The following CCDC85C variants were observed in gnomAD, a reference collection of about 807,000 sequenced individuals.
The protein encoded by CCDC85C is coiled-coil domain-containing protein 85C.
In CCDC85C, 18 loss-of-function variants were observed where a neutral mutation model predicts 38.3. That is an observed-to-expected ratio of 0.47 (90% CI 0.33 to 0.70). The LOEUF (loss-of-function observed/expected upper bound fraction) is 0.70, where lower values mean the gene tolerates loss of function less well. CCDC85C is among the 30% of genes least tolerant of loss of function. The pLI, the probability that CCDC85C is intolerant of heterozygous loss-of-function variation, is 0.03. For synonymous variants in CCDC85C, 264 were observed against 293.8 expected (o/e 0.90, Z 1.04); for missense variants, 566 against 621.2 (o/e 0.91, Z 0.94).
intron 1 of CCDC85C, among the ~76,000 whole-genome samples, chr14:99,599,860 A>G (rs1413152239): frequency 6.6e-6 from 1 of 152,204 alleles, no homozygotes; most frequent in Non-Finnish European, 1.5e-5. Flanking sequence ...GGGTGACCAG[A>G]GAGACCCTGT....
rs1897846462 is a variant in CCDC85C at position 99,548,428 on chromosome 14, G to T, written c.794-12340C>A. Among the ~76,000 whole-genome samples, 1 of 152,082 alleles carries T rather than the reference G, an allele frequency of 6.6e-6. No homozygotes were observed. Among genetic ancestry groups the T allele is most frequent in the African/African-American group, 2.4e-5 (1 of 41,412 alleles). ...ACACGTAAGAACGGGCCACACAGGG[G>T]ATGCTGATGATCGGCGCAGCGGATC... On this transcript the variant is annotated intron_variant, in intron 1 of 5. Coordinates refer to ENST00000380243, the MANE Select transcript of CCDC85C (RefSeq NM_001144995.2). This position sits in a 1 kb window ranked among gnomAD's most constrained non-coding sequence, Gnocchi z 4.9.
chr14:99,590,572 G>A (rs1016176050), intron 1 of CCDC85C, among the ~76,000 whole-genome samples: 1 of 152,120 alleles, frequency 6.6e-6, no homozygotes, highest in Non-Finnish European at 1.5e-5. Flanking sequence ...AAGGCAGTTT[G>A]GAAAGGTCTC....
rs35376895 is a variant in CCDC85C, at chr14:99,571,345, G to GTAGTAATAATAATAATAA, written c.793+31821_793+31822insTTATTATTATTATTACTA. ...AGCCACAGCAGCAATAGTAGTAGTA[G>GTAGTAATAATAATAATAA]TAATAATAATAATAATAATAATAAT... On this transcript the variant is annotated intron_variant, in intron 1 of 5. Coordinates refer to ENST00000380243, the MANE Select transcript of CCDC85C (RefSeq NM_001144995.2). 1.9e-3 allele frequency among the ~76,000 whole-genome samples: 291 copies of GTAGTAATAATAATAATAA among 149,952 alleles called. 2 individuals carry two copies. Among genetic ancestry groups the GTAGTAATAATAATAATAA allele is most frequent in the Middle Eastern group, 0.011 (3 of 282 alleles).
Position 99,503,549 on chromosome 14 carries a change from C to A in CCDC85C, c.*11697G>T. 1 of 1,411,294 alleles carries A rather than the reference C, an allele frequency of 7.1e-7. No individual in the cohort carries two copies. Among genetic ancestry groups the A allele is most frequent in the South Asian group, 1.3e-5 (1 of 78,278 alleles). The allele number at this position is 1,411,294 out of a possible 1,614,324, so 87.4% of individuals were successfully genotyped here. ...CTGATTCTGGTGGTACCTGGATAATCCATTTTTTTCTCATCATACTCAGGA... is the reference window on the plus strand; with the variant it reads ...CTGATTCTGGTGGTACCTGGATAATACATTTTTTTCTCATCATACTCAGGA... On this transcript the variant is annotated 3_prime_UTR_variant, in exon 6 of 6. Coordinates refer to ENST00000380243, the MANE Select transcript of CCDC85C (RefSeq NM_001144995.2).
rs776784723 is a variant in CCDC85C at position 99,568,246 on chromosome 14, C to CTTTTTTTTTT, written c.794-32159_794-32158insAAAAAAAAAA. ...AGACACTCTCTGGAGGCCACCTGCCCTTTATTTTTTTTTTTTTTTTTTTTG... is the reference window on the plus strand; with the variant it reads ...AGACACTCTCTGGAGGCCACCTGCCCTTTTTTTTTTTTTATTTTTTTTTTTTTTTTTTTTG... On this transcript the variant is annotated intron_variant, in intron 1 of 5. Coordinates refer to ENST00000380243, the MANE Select transcript of CCDC85C (RefSeq NM_001144995.2). Among the ~76,000 whole-genome samples the CTTTTTTTTTT allele has an allele frequency of 8.8e-3, 1,005 of 114,234 alleles. 156 individuals carry two copies. The highest frequency in any genetic ancestry group is 0.012 in the Non-Finnish European group (724 of 58,234). The allele number at this position is 114,234 out of a possible 152,430, so 74.9% of individuals were successfully genotyped here.
intron 1 of CCDC85C, among the ~76,000 whole-genome samples, chr14:99,564,555 A>G (rs572587816): frequency 1.1e-4 from 16 of 152,096 alleles, no homozygotes; most frequent in Non-Finnish European, 1.5e-4. Flanking sequence ...TTTTTATTCT[A>G]TCTCATCTTG....
chr14:99,571,782 A>C (rs1179300828), intron 1 of CCDC85C, among the ~76,000 whole-genome samples: 5 of 152,336 alleles, frequency 3.3e-5, no homozygotes, highest in Admixed American at 2.0e-4. Context: ...TCAGGCAGGT[A>C]GGTGCCCAGT....
intron 1 of CCDC85C, among the ~76,000 whole-genome samples, chr14:99,593,116 G>A (rs573556396): frequency 6.6e-5 from 10 of 152,354 alleles, no homozygotes; most frequent in East Asian, 3.9e-4. Flanking sequence ...TTAGGGAGCC[G>A]GGCCGGTGCC....
chr14:99,522,344 G>C (rs917503692), intron 2 of CCDC85C, 104 bp from the exon 3 acceptor site: 3 of 805,242 alleles, frequency 3.7e-6, no homozygotes, highest in South Asian at 3.5e-5. Context: ...CAAAGGCACG[G>C]CCCCGGAGGA....
Position 99,510,602 on chromosome 14 carries a change from C to A in CCDC85C, c.*4644G>T. 3.1e-6 allele frequency: 3 copies of A among 966,638 alleles called. No homozygotes were observed. Among genetic ancestry groups the A allele is most frequent in the Middle Eastern group, 3.3e-4 (1 of 3,052 alleles). 59.9% of individuals were successfully genotyped at this position (966,638 alleles called of 1,614,324 possible). On this transcript the variant is annotated 3_prime_UTR_variant, in exon 6 of 6. Transcript: ENST00000380243. ...ACAACCCCAACTTCCCACCCCCACC[C>A]CCACGCCTCCCGCCTACCCACGCAG...
At chr14:99,582,489 G>T (rs1232299945) in intron 1 of CCDC85C, among the ~76,000 whole-genome samples, 1 of 151,996 alleles carries the variant, frequency 6.6e-6, no homozygotes, top group Admixed American at 6.6e-5. Context: ...AGCCGAAAAT[G>T]GATGTCTTGG....
At position 99,503,118 on chromosome 14, in the gene CCDC85C, C is replaced by A; in HGVS notation, c.*12128G>T. On this transcript the variant is annotated 3_prime_UTR_variant, in exon 6 of 6. Transcript: ENST00000380243. ...GTGTTCGCCGAAACTCGCAGTCCGA[C>A]TGCTTGTCGGTGGGGAGCCTGAAAA... The A allele has an allele frequency of 9.7e-7, 1 of 1,034,722 alleles. No individual in the cohort carries two copies. Among genetic ancestry groups the A allele is most frequent in the Non-Finnish European group, 1.5e-6 (1 of 666,466 alleles). 64.1% of individuals were successfully genotyped at this position (1,034,722 alleles called of 1,614,324 possible).
chr14:99,561,752 C>T (rs763324320), intron 1 of CCDC85C, among the ~76,000 whole-genome samples: 1 of 152,176 alleles, frequency 6.6e-6, no homozygotes, highest in Non-Finnish European at 1.5e-5. Context: ...GCCCAGCACA[C>T]ATGAAGCTGG....
At chr14:99,550,791 C>T (rs1369894842) in intron 1 of CCDC85C, among the ~76,000 whole-genome samples, 2 of 152,204 alleles carry the variant, frequency 1.3e-5, no homozygotes, top group African/African-American at 2.4e-5. Flanking sequence ...CCAGCTGAGG[C>T]CTGCACGCTG....
Position 99,501,004 on chromosome 14 carries a change from C to T in CCDC85C, c.*14242G>A. On this transcript the variant is annotated 3_prime_UTR_variant, in exon 6 of 6. Coordinates refer to ENST00000380243, the MANE Select transcript of CCDC85C (RefSeq NM_001144995.2). ...TGAAATACCAAGGGCATGGCTTGCT[C>T]AGTCAATTCAGCATTGCAGCTGCTA... 1 of 654,480 alleles carries T rather than the reference C, an allele frequency of 1.5e-6. No homozygotes were observed. The highest frequency in any genetic ancestry group is 1.8e-5 in the South Asian group (1 of 54,960). 40.5% of individuals were successfully genotyped at this position (654,480 alleles called of 1,614,324 possible). A position where few individuals can be genotyped will look rare whatever the true frequency, so the allele number is the denominator to read the frequency against.
rs948973065 is a variant in CCDC85C at position 99,509,835 on chromosome 14, G to A, written c.*5411C>T. ...CAGAAAAACAGAGGAGCCCCCACAC[G>A]TTTTGCACTAGGAAGAGGGGGCTGG... On this transcript the variant is annotated 3_prime_UTR_variant, in exon 6 of 6. Coordinates refer to ENST00000380243, the MANE Select transcript of CCDC85C (RefSeq NM_001144995.2). The A allele has an allele frequency of 9.8e-6, 4 of 409,482 alleles. No individual in the cohort carries two copies. Among genetic ancestry groups the A allele is most frequent in the South Asian group, 4.2e-5 (1 of 23,622 alleles). The allele number at this position is 409,482 out of a possible 1,614,324, so 25.4% of individuals were successfully genotyped here.
chr14:99,529,383 GTTTCT>G (rs1268630613), intron 2 of CCDC85C, among the ~76,000 whole-genome samples: 1 of 151,850 alleles, frequency 6.6e-6, no homozygotes, highest in Non-Finnish European at 1.5e-5. Flanking sequence ...TGTGTGTTTT[GTTTCT>G]TTTGTTTTTT....
At chr14:99,574,849 G>T (rs966483733) in intron 1 of CCDC85C, among the ~76,000 whole-genome samples, 2 of 152,168 alleles carry the variant, frequency 1.3e-5, no homozygotes, top group Non-Finnish European at 2.9e-5. Context: ...ATTCTAGGAG[G>T]TTAAGGAGGT....
At chr14:99,552,210 C>A (rs1394579305) in intron 1 of CCDC85C, among the ~76,000 whole-genome samples, 1 of 152,182 alleles carries the variant, frequency 6.6e-6, no homozygotes, top group Non-Finnish European at 1.5e-5. Context: ...CTCTAGCTGC[C>A]CCTGCACCAC....
Sources: gnomAD v4.1 joint callset for allele counts (sites outside exome capture counted in the v4.1 genomes callset) on GRCh38, gnomAD v4.1.1 for gene constraint, Gnocchi (gnomAD v3.1) non-coding constraint, MANE v1.5 for transcripts, NCBI Gene and HGNC (gene_info 2026-07-23, HGNC 2026-07-21) for gene names.